The following MITF variants were observed in gnomAD, a reference collection of about 807,000 sequenced individuals.
MITF encodes the protein microphthalmia-associated transcription factor.
MITF carries 17 observed loss-of-function variants against 60.5 expected under a neutral mutation model. The observed-to-expected ratio is 0.28, with a 90% CI of 0.19 to 0.42. MITF has a LOEUF of 0.42. MITF is among the 10% of genes least tolerant of loss of function. The pLI, the probability that MITF is intolerant of heterozygous loss-of-function variation, is 1.00. For missense variants in MITF, 622 were observed against 683.5 expected, an observed-to-expected ratio of 0.91 and a Z score of 1.00; for synonymous variants, 260 against 248.5, an observed-to-expected ratio of 1.05 and a Z score of -0.43.
rs181439230 is a variant in MITF at position 69,904,434 on chromosome 3, G to T, written c.354+25051G>T. Among the ~76,000 whole-genome samples the T allele has an allele frequency of 5.3e-5, 8 of 152,244 alleles. No homozygotes were observed. The East Asian group carries it at 1.5e-3, about 29-fold the overall frequency. On this transcript the variant is annotated intron_variant, in intron 2 of 9. Transcript: ENST00000352241. ...AGAAATGCTACATAATTTCTTCCGT[G>T]TGTCTTCTACTGGTCTGTCCTTCTG...
chr3:69,859,483 A>G (rs1296738917), intron 1 of MITF, among the ~76,000 whole-genome samples: 1 of 152,150 alleles, frequency 6.6e-6, no homozygotes, highest in Non-Finnish European at 1.5e-5. Context: ...ATGGATTTAG[A>G]TGGTCCATGG....
intron 1 of MITF, among the ~76,000 whole-genome samples, chr3:69,798,953 A>G (rs752532049): frequency 6.6e-6 from 1 of 151,872 alleles, no homozygotes; most frequent in Non-Finnish European, 1.5e-5. Context: ...GTCCTTTTAC[A>G]TTTATTTGTG....
chr3:69,755,659 A>C (rs1269554935), intron 1 of MITF, among the ~76,000 whole-genome samples: 1 of 152,076 alleles, frequency 6.6e-6, no homozygotes, highest in Non-Finnish European at 1.5e-5. Context: ...GGGTTAGTCC[A>C]AATAGTATCC....
At chr3:69,817,779 G>A (rs964053194) in intron 1 of MITF, among the ~76,000 whole-genome samples, 9 of 152,050 alleles carry the variant, frequency 5.9e-5, no homozygotes, top group Admixed American at 3.3e-4. Flanking sequence ...AAAAATAAAT[G>A]TAATAACAAT....
chr3:69,784,955 C>T (rs1050117611), intron 1 of MITF, among the ~76,000 whole-genome samples: 5 of 151,902 alleles, frequency 3.3e-5, no homozygotes, highest in Non-Finnish European at 4.4e-5. Flanking sequence ...GAGAGACTGG[C>T]GTGGACTGTG....
intron 1 of MITF, among the ~76,000 whole-genome samples, chr3:69,859,843 A>T (rs2063981905): frequency 6.6e-6 from 1 of 152,180 alleles, no homozygotes; most frequent in African/African-American, 2.4e-5. Flanking sequence ...TAAAGAGTTA[A>T]CCCATAAATT....
At chr3:69,837,043 C>A (rs2063551424) in intron 1 of MITF, among the ~76,000 whole-genome samples, 2 of 152,214 alleles carry the variant, frequency 1.3e-5, no homozygotes, top group African/African-American at 4.8e-5. Context: ...AAGCCCCTGA[C>A]CCTTAGGGCT....
intron 2 of MITF, among the ~76,000 whole-genome samples, chr3:69,887,546 AT>A (rs1458747617): frequency 6.6e-6 from 1 of 152,066 alleles, no homozygotes; most frequent in Non-Finnish European, 1.5e-5. Context: ...TTATTTATAA[AT>A]TTAGATGTTT....
intron 1 of MITF, among the ~76,000 whole-genome samples, chr3:69,755,791 T>G (rs540351988): frequency 7.2e-5 from 11 of 152,266 alleles, no homozygotes; most frequent in African/African-American, 2.4e-4. Context: ...TAGTTGTGAA[T>G]ATTCAATAAG....
intron 1 of MITF, among the ~76,000 whole-genome samples, chr3:69,790,130 A>G (rs2062716673): frequency 1.3e-5 from 2 of 152,208 alleles, no homozygotes; most frequent in Non-Finnish European, 2.9e-5. Flanking sequence ...ATGCTACAAC[A>G]TAGATGAATC....
chr3:69,758,228 G>A (rs896107500), intron 1 of MITF, among the ~76,000 whole-genome samples: 4 of 151,790 alleles, frequency 2.6e-5, no homozygotes, highest in Admixed American at 6.6e-5. Context: ...AGAGTGCGGG[G>A]ATGCAATCAT....
intron 2 of MITF, among the ~76,000 whole-genome samples, chr3:69,912,129 A>G (rs899886134): frequency 6.6e-6 from 1 of 152,238 alleles, no homozygotes; most frequent in South Asian, 2.1e-4. Flanking sequence ...TGATAAAAGC[A>G]AGTTTGTTCA....
intron 1 of MITF, among the ~76,000 whole-genome samples, chr3:69,849,242 G>A (rs967767018): frequency 6.6e-6 from 1 of 152,078 alleles, no homozygotes; most frequent in Non-Finnish European, 1.5e-5. Context: ...GGGATTACAG[G>A]CGTGAGCCAC....
intron 2 of MITF, among the ~76,000 whole-genome samples, chr3:69,905,749 G>A (rs1198477713): frequency 6.6e-6 from 1 of 151,866 alleles, no homozygotes; most frequent in East Asian, 1.9e-4. Context: ...CTAATGACTG[G>A]TGATGTAGAG....
intron 2 of MITF, among the ~76,000 whole-genome samples, chr3:69,885,407 A>C (rs2064589720): frequency 6.6e-6 from 1 of 152,080 alleles, no homozygotes; most frequent in Non-Finnish European, 1.5e-5. Flanking sequence ...TAAGGAAAAT[A>C]TTAAGGTCTG....
chr3:69,848,750 T>G lies in MITF; in HGVS notation c.105-30384T>G, dbSNP rs140286101. ...GCTTCGCTCGTGATCTCTATCCTTA[T>G]GTAAGGAAAGAGCAGACACTGATGA... is the stretch of plus-strand genomic sequence containing the variant. On this transcript the variant is annotated intron_variant, in intron 1 of 9. Transcript: ENST00000352241. Among the ~76,000 whole-genome samples, 334 of 152,172 alleles carry G rather than the reference T, an allele frequency of 2.2e-3. 1 individual carries two copies. The highest frequency in any genetic ancestry group is 3.9e-3 in the Admixed American group (60 of 15,296).
chr3:69,826,710 T>G (rs2063360591), intron 1 of MITF, among the ~76,000 whole-genome samples: 1 of 152,134 alleles, frequency 6.6e-6, no homozygotes, highest in Non-Finnish European at 1.5e-5. Context: ...TGGGAAATAA[T>G]GGAATAAAAT....
chr3:69,841,405 G>A (rs755248212), intron 1 of MITF, among the ~76,000 whole-genome samples: 36 of 152,162 alleles, frequency 2.4e-4, no homozygotes, highest in Non-Finnish European at 4.7e-4. Flanking sequence ...AAAAGTGCAG[G>A]ATGCAATTCT....
intron 1 of MITF, among the ~76,000 whole-genome samples, chr3:69,800,065 T>G (rs375208464): frequency 6.6e-6 from 1 of 152,148 alleles, no homozygotes; most frequent in African/African-American, 2.4e-5. Context: ...TCCAAAACAT[T>G]TCCATCACCC....
Sources: allele counts gnomAD v4.1 joint callset (sites outside exome capture counted in the v4.1 genomes callset), GRCh38; gene constraint gnomAD v4.1.1; transcripts MANE v1.5; gene names NCBI Gene and HGNC (gene_info 2026-07-23, HGNC 2026-07-21).